The following DNAJC5 variants were observed in gnomAD, a reference collection of about 807,000 sequenced individuals.
DNAJC5 encodes the protein dnaJ homolog subfamily C member 5.
A neutral mutation model predicts 23.2 loss-of-function variants in DNAJC5; 1 was observed. That is an observed-to-expected ratio of 0.04 (90% CI 0.02 to 0.20). The LOEUF is 0.20. Ranked by LOEUF, DNAJC5 falls within the 10% of genes least tolerant of loss-of-function variation. The pLI is 1.00. For synonymous variants in DNAJC5, 136 were observed against 120.0 expected (o/e 1.13, Z -0.87); for missense variants, 180 against 267.0 (o/e 0.67, Z 2.27).
chr20:63,915,314 G>A (rs1164203731), intron 1 of DNAJC5, among the ~76,000 whole-genome samples: 2 of 152,110 alleles, frequency 1.3e-5, no homozygotes, highest in Admixed American at 6.6e-5. Context: ...TGACCTCAAA[G>A]GTGACTTGGA....
chr20:63,926,029 T>C (rs568937139), intron 1 of DNAJC5, among the ~76,000 whole-genome samples: 65 of 152,172 alleles, frequency 4.3e-4, no homozygotes, highest in Middle Eastern at 3.4e-3. Context: ...GGGGTTTCAC[T>C]GTGTTAGCCA....
rs922976575 is a variant in DNAJC5 at position 63,928,690 on chromosome 20, C to A, written c.107+238C>A. Reference sequence around the variant, plus strand: ...CACTTAGTAGAAACTGACACACTGTCCACAGTTCCATAGGGAGTCAGGGTC... The same window carrying A: ...CACTTAGTAGAAACTGACACACTGTACACAGTTCCATAGGGAGTCAGGGTC... On this transcript the variant is annotated intron_variant, in intron 2 of 4. Coordinates refer to ENST00000360864, the MANE Select transcript of DNAJC5 (RefSeq NM_025219.3). This position sits in a 1 kb window ranked among gnomAD's most constrained non-coding sequence, Gnocchi z 4.6. 6.6e-6 allele frequency among the ~76,000 whole-genome samples: 1 copy of A among 152,204 alleles called. No individual in the cohort carries two copies. The highest frequency in any genetic ancestry group is 1.5e-5 in the Non-Finnish European group (1 of 68,026).
intron 1 of DNAJC5, among the ~76,000 whole-genome samples, chr20:63,917,273 C>T (rs940706770): frequency 5.5e-5 from 8 of 145,958 alleles, no homozygotes; most frequent in Non-Finnish European, 1.2e-4. Flanking sequence ...TTCTTTTTTT[C>T]GAGATGGAGT....
rs532171823 is a variant in DNAJC5 at position 63,920,344 on chromosome 20, C to T, written c.-11-7991C>T. Among the ~76,000 whole-genome samples, 3 of 152,222 alleles carry T rather than the reference C, an allele frequency of 2.0e-5. No homozygotes were observed. The highest frequency in any genetic ancestry group is 2.0e-4 in the Admixed American group (3 of 15,284). On this transcript the variant is annotated intron_variant, in intron 1 of 4. Transcript: ENST00000360864. This position sits in a 1 kb window ranked among gnomAD's most constrained non-coding sequence, Gnocchi z 4.6. ...GTCTGCCCGGGAACAGGTAGTCCTG[C>T]GTCGGACCGGGAAGTGTGGTGGGTG...
intron 1 of DNAJC5, among the ~76,000 whole-genome samples, chr20:63,896,447 T>G (rs1437159045): frequency 6.6e-6 from 1 of 152,138 alleles, no homozygotes; most frequent in East Asian, 1.9e-4. Context: ...CCGCTCTGGT[T>G]GCTGGCTGTG....
intron 1 of DNAJC5, chr20:63,919,750 C>T (rs757483414): frequency 9.4e-6 from 4 of 423,844 alleles, no homozygotes; most frequent in South Asian, 3.0e-5. Flanking sequence ...AGGACGCACC[C>T]GGCTGTGTGC....
chr20:63,899,793 G>C (rs752955962), intron 1 of DNAJC5, among the ~76,000 whole-genome samples: 2 of 151,916 alleles, frequency 1.3e-5, no homozygotes, highest in Non-Finnish European at 2.9e-5. Flanking sequence ...GTGTTAGCCA[G>C]GATGGTCTCG....
Position 63,933,356 on chromosome 20 carries a change from AG to A in DNAJC5, c.*1791del, listed in dbSNP as rs954961042. The A allele has an allele frequency of 9.2e-5, 14 of 152,244 alleles. No individual in the cohort carries two copies. The highest frequency in any genetic ancestry group is 3.1e-4 in the African/African-American group (13 of 41,408). 9.4% of individuals were successfully genotyped at this position (152,244 alleles called of 1,614,324 possible). A position where few individuals can be genotyped will look rare whatever the true frequency, so the allele number is the denominator to read the frequency against. ...GTGCTTAGGAACAGGGTGCTGGTTGAGGGCCCCCAGCTGACCCCTACTGCAG... is the reference window on the plus strand; with the variant it reads ...GTGCTTAGGAACAGGGTGCTGGTTGAGGCCCCCAGCTGACCCCTACTGCAG... On this transcript the variant is annotated 3_prime_UTR_variant, in exon 5 of 5. Coordinates refer to ENST00000360864, the MANE Select transcript of DNAJC5 (RefSeq NM_025219.3).
rs1471353655 is a variant in DNAJC5, at chr20:63,935,508, CGAG to C, written c.*3945_*3947del. On this transcript the variant is annotated 3_prime_UTR_variant, in exon 5 of 5. Coordinates refer to ENST00000360864, the MANE Select transcript of DNAJC5 (RefSeq NM_025219.3). Reference sequence around the variant, plus strand: ...CCAGGTGTGTGTCCCGGTGTGAAATCGAGGAGGGGACTGGAAGCCCTTCCCTGC... The same window carrying C: ...CCAGGTGTGTGTCCCGGTGTGAAATCGAGGGGACTGGAAGCCCTTCCCTGC... 1 of 152,262 alleles carries C rather than the reference CGAG, an allele frequency of 6.6e-6. No individual in the cohort carries two copies. Among genetic ancestry groups the C allele is most frequent in the Non-Finnish European group, 1.5e-5 (1 of 68,054 alleles). 9.4% of individuals were successfully genotyped at this position (152,262 alleles called of 1,614,324 possible). A position where few individuals can be genotyped will look rare whatever the true frequency, so the allele number is the denominator to read the frequency against.
chr20:63,903,183 G>A (rs2053425775), intron 1 of DNAJC5, among the ~76,000 whole-genome samples: 1 of 151,686 alleles, frequency 6.6e-6, no homozygotes, highest in Non-Finnish European at 1.5e-5. Context: ...TGTTGCCCAG[G>A]TTGGCCTTCC....
Position 63,928,566 on chromosome 20 carries a change from C to A in DNAJC5, c.107+114C>A. On this transcript the variant is annotated intron_variant, in intron 2 of 4. Transcript: ENST00000360864. The surrounding 1 kb of genome is among the most constrained non-coding windows in gnomAD (Gnocchi z 4.6). The stretch of plus-strand genomic sequence containing the variant: ...ACATACTTTATCCTGGCCGACTCAG[C>A]GTTGAACTGGTCACAGCTCGGTAAC... 2 of 857,092 alleles carry A rather than the reference C, an allele frequency of 2.3e-6. No homozygotes were observed. The highest frequency in any genetic ancestry group is 2.6e-5 in the East Asian group (1 of 38,910). The allele number at this position is 857,092 out of a possible 1,614,324, so 53.1% of individuals were successfully genotyped here. A position where few individuals can be genotyped will look rare whatever the true frequency, so the allele number is the denominator to read the frequency against.
intron 1 of DNAJC5, among the ~76,000 whole-genome samples, chr20:63,901,627 G>A (rs997249527): frequency 6.6e-6 from 1 of 152,262 alleles, no homozygotes; most frequent in African/African-American, 2.4e-5. Context: ...GACGGGAGGA[G>A]TGACTGCAGC....
rs544519365 is a variant in DNAJC5, at chr20:63,931,328, G to A, written c.494-137G>A. 1.1e-5 allele frequency: 10 copies of A among 927,450 alleles called. No homozygotes were observed. The Admixed American group carries it at 1.4e-4, about 13-fold the overall frequency. 57.5% of individuals were successfully genotyped at this position (927,450 alleles called of 1,614,324 possible). A position where few individuals can be genotyped will look rare whatever the true frequency, so the allele number is the denominator to read the frequency against. Reference sequence around the variant, plus strand: ...TGACCCAAGGCGACGGAGGAAAGCCGTGTGGGGTGGAGGTCAGCGAGTAGC... The same window carrying A: ...TGACCCAAGGCGACGGAGGAAAGCCATGTGGGGTGGAGGTCAGCGAGTAGC... On this transcript the variant is annotated intron_variant, in intron 4 of 4. Transcript: ENST00000360864. This position sits in a 1 kb window ranked among gnomAD's most constrained non-coding sequence, Gnocchi z 9.6.
chr20:63,929,583 C>G lies in DNAJC5; in HGVS notation c.321+58C>G, dbSNP rs568175223. The G allele has an allele frequency of 6.3e-7, 1 of 1,584,788 alleles. No individual in the cohort carries two copies. Among genetic ancestry groups the G allele is most frequent in the Admixed American group, 1.7e-5 (1 of 58,656 alleles). ...GAGTCACTCCTGCCGTGCGGGCACCCGAGTCTCTCCTGCCGTGCGGGCACC... is the reference window on the plus strand; with the variant it reads ...GAGTCACTCCTGCCGTGCGGGCACCGGAGTCTCTCCTGCCGTGCGGGCACC... On this transcript the variant is annotated intron_variant, in intron 3 of 4. Coordinates refer to ENST00000360864, the MANE Select transcript of DNAJC5 (RefSeq NM_025219.3). This position sits in a 1 kb window ranked among gnomAD's most constrained non-coding sequence, Gnocchi z 8.6.
In DNAJC5 at chr20:63,909,617, G is replaced by C. The variant is rs914314131; in HGVS notation, c.-12+14294G>C. Among the ~76,000 whole-genome samples, 12 of 151,322 alleles carry C rather than the reference G, an allele frequency of 7.9e-5. 1 individual carries two copies. The highest frequency in any genetic ancestry group is 9.7e-5 in the African/African-American group (4 of 41,228). On this transcript the variant is annotated intron_variant, in intron 1 of 4. Transcript: ENST00000360864. ...AATCACTTGAGCCTGGGAGGCAGAGGCTGCAGTGAGCCGAGATTGTGCCAC... is the reference window on the plus strand; with the variant it reads ...AATCACTTGAGCCTGGGAGGCAGAGCCTGCAGTGAGCCGAGATTGTGCCAC...
intron 1 of DNAJC5, among the ~76,000 whole-genome samples, chr20:63,917,121 A>G (rs2053520231): frequency 1.3e-5 from 2 of 152,244 alleles, no homozygotes; most frequent in Admixed American, 1.3e-4. Context: ...GAAATTATCA[A>G]AGTATTATTT....
intron 1 of DNAJC5, among the ~76,000 whole-genome samples, chr20:63,900,824 T>C (rs2053406848): frequency 6.6e-6 from 1 of 152,240 alleles, no homozygotes; most frequent in South Asian, 2.1e-4. Context: ...TGAATATGGA[T>C]GTGAATGAAT....
In DNAJC5 at chr20:63,932,681, G is replaced by A. The variant is rs932421483; in HGVS notation, c.*1113G>A. 1.3e-5 allele frequency: 2 copies of A among 152,378 alleles called. No individual in the cohort carries two copies. The highest frequency in any genetic ancestry group is 4.8e-5 in the African/African-American group (2 of 41,444). 9.4% of individuals were successfully genotyped at this position (152,378 alleles called of 1,614,324 possible). The stretch of plus-strand genomic sequence containing the variant: ...ATTCAGGCAGAGCCAGATTCGTTAG[G>A]TCCCTGGAGGAAGGACTGACTGGAC... On this transcript the variant is annotated 3_prime_UTR_variant, in exon 5 of 5. Transcript: ENST00000360864. The surrounding 1 kb of genome is among the most constrained non-coding windows in gnomAD (Gnocchi z 4.4).
rs1179707603 is a variant in DNAJC5 at position 63,929,355 on chromosome 20, C to G, written c.151C>G (p.Pro51Ala). The change falls in exon 3 of 5, where the codon CCG (proline) becomes GCG (alanine). Residue 51 changes from proline (P) to alanine (A), a missense_variant. This residue lies in a region of DNAJC5 where 77 missense variants were observed against 106.8 expected (regional missense o/e 0.72). Coordinates refer to ENST00000360864, the MANE Select transcript of DNAJC5 (RefSeq NM_025219.3). This position sits in a 1 kb window ranked among gnomAD's most constrained non-coding sequence, Gnocchi z 8.6. Reference sequence around the variant, plus strand: ...TCACCCCGACAAGAACCCCGACAACCCGGAGGCCGCGGACAAGTTTAAGGA... The same window carrying G: ...TCACCCCGACAAGAACCCCGACAACGCGGAGGCCGCGGACAAGTTTAAGGA... Reference protein sequence around the residue: ...KYHPDKNPDNPEAADKFKEIN... With the variant: ...KYHPDKNPDNAEAADKFKEIN... The G allele has an allele frequency of 6.2e-7, 1 of 1,614,134 alleles. No individual in the cohort carries two copies. The highest frequency in any genetic ancestry group is 8.5e-7 in the Non-Finnish European group (1 of 1,180,032).
Sources: gnomAD v4.1 joint callset for allele counts (sites outside exome capture counted in the v4.1 genomes callset) on GRCh38, gnomAD v4.1.1 for gene constraint, gnomAD v4.1.1 regional missense constraint, Gnocchi (gnomAD v3.1) non-coding constraint, MANE v1.5 for transcripts, NCBI Gene and HGNC (gene_info 2026-07-23, HGNC 2026-07-21) for gene names.